Variants in ASPH observed in about 807,000 individuals in gnomAD.
ASPH encodes the protein aspartate beta-hydroxylase.
ASPH carries 100 observed loss-of-function variants against 118.4 expected under a neutral mutation model. That is an observed-to-expected ratio of 0.84 (90% CI 0.72 to 1.00). The LOEUF (loss-of-function observed/expected upper bound fraction) is 1.00. Ranked by LOEUF, ASPH falls within the 50% of genes least tolerant of loss-of-function variation. ASPH has a pLI of 0.00. For missense variants in ASPH, 920 were observed against 919.5 expected (o/e 1.00, Z -0.01); for synonymous variants, 315 against 325.6 (o/e 0.97, Z 0.35).
At chr8:61,701,062 A>AT (rs1274382400) in intron 1 of ASPH, among the ~76,000 whole-genome samples, 1 of 152,136 alleles carries the variant, frequency 6.6e-6, no homozygotes, top group Non-Finnish European at 1.5e-5. Flanking sequence ...CCTCATGGCC[A>AT]TTTCCATTGC....
intron 3 of ASPH, chr8:61,664,475 T>C: frequency 2.0e-6 from 2 of 984,754 alleles, no homozygotes; most frequent in Non-Finnish European, 2.4e-6. Context: ...TATTCATGGC[T>C]ATGGCCACAG....
chr8:61,530,098 A>G (rs972364455), intron 21 of ASPH, among the ~76,000 whole-genome samples: 5 of 152,242 alleles, frequency 3.3e-5, no homozygotes, highest in Admixed American at 2.0e-4. Context: ...TCAATGGCAA[A>G]TAATCCAGTT....
chr8:61,548,521 T>A (rs994064211), intron 20 of ASPH, among the ~76,000 whole-genome samples: 1 of 152,242 alleles, frequency 6.6e-6, no homozygotes, highest in Non-Finnish European at 1.5e-5. Flanking sequence ...GAGCACTTAT[T>A]TTTTGAATGA....
chr8:61,653,147 T>G (rs1811935423), intron 4 of ASPH, among the ~76,000 whole-genome samples: 1 of 152,186 alleles, frequency 6.6e-6, no homozygotes, highest in African/African-American at 2.4e-5. Context: ...GGGAAGTCTT[T>G]TAAAATAAAC....
intron 5 of ASPH, 29 bp downstream of exon 5, chr8:61,651,021 C>G: frequency 6.3e-7 from 1 of 1,584,058 alleles, no homozygotes; most frequent in Non-Finnish European, 8.6e-7. Context: ...TTTAGTAACT[C>G]AAAACAAAGA....
intron 21 of ASPH, among the ~76,000 whole-genome samples, chr8:61,539,540 C>G (rs371286329): frequency 6.6e-6 from 1 of 152,102 alleles, no homozygotes; most frequent in East Asian, 1.9e-4. Context: ...TTACTTCTCC[C>G]CACTCCTGAG....
intron 10 of ASPH, 99 bp downstream of exon 10, chr8:61,642,789 G>A (rs962457152): frequency 3.7e-6 from 4 of 1,087,990 alleles, no homozygotes; most frequent in Non-Finnish European, 5.1e-6. Context: ...AGGTTGTAGT[G>A]GGCCAAGATT....
intron 16 of ASPH, among the ~76,000 whole-genome samples, chr8:61,568,604 G>A (rs1476046988): frequency 6.6e-6 from 1 of 152,144 alleles, no homozygotes; most frequent in Non-Finnish European, 1.5e-5. Flanking sequence ...CAGGAGGGAG[G>A]TCAGAGTAAG....
intron 21 of ASPH, among the ~76,000 whole-genome samples, chr8:61,529,081 GGAT>G (rs1237700225): frequency 6.6e-6 from 1 of 152,090 alleles, no homozygotes; most frequent in African/African-American, 2.4e-5. Context: ...TTCAGTTTAG[GGAT>G]GATGAAATGA....
intron 13 of ASPH, chr8:61,626,118 CA>C (rs1852687936): frequency 8.0e-7 from 1 of 1,250,798 alleles, no homozygotes; most frequent in African/African-American, 1.6e-5. Context: ...ACTAAAATGC[CA>C]GTGGACTATA....
intron 13 of ASPH, among the ~76,000 whole-genome samples, chr8:61,621,909 AC>A (rs1389384242): frequency 1.3e-5 from 2 of 152,140 alleles, no homozygotes; most frequent in Non-Finnish European, 2.9e-5. Context: ...ATGTTACACT[AC>A]TCTTTACCTG....
At chr8:61,517,197 A>G (rs576547456) in intron 24 of ASPH, 1 of 217,154 alleles carries the variant, frequency 4.6e-6, no homozygotes, top group Admixed American at 5.2e-5. Flanking sequence ...AGCAGGAAGC[A>G]CAATGCATAA....
At position 61,652,537 on chromosome 8, in the gene ASPH, T is replaced by A. The variant is rs1247461478; in HGVS notation, c.415+1031A>T. On this transcript the variant is annotated intron_variant, in intron 4 of 24. Transcript: ENST00000379454. ...CTGGAGTGTAATGGGTTAAAAAAAA[T>A]GAATGAAAAATAAGGTAAAAAAGTA... Among the ~76,000 whole-genome samples the A allele has an allele frequency of 2.6e-5, 4 of 152,034 alleles. No homozygotes were observed. In the South Asian group the frequency reaches 8.3e-4, roughly 32 times the overall value.
At position 61,665,532 on chromosome 8, in the gene ASPH, C is replaced by G; in HGVS notation, c.323-11872G>C. 1.9e-6 allele frequency: 3 copies of G among 1,577,260 alleles called. No individual in the cohort carries two copies. The Middle Eastern group carries it at 5.0e-4, about 262-fold the overall frequency. On this transcript the variant is annotated intron_variant, in intron 3 of 24. Transcript: ENST00000379454. ...TCCTCTTTCTTCCCCTTTTTTCTCTCTTCATTCTTACTTTCCTTCCTTGAC... is the reference window on the plus strand; with the variant it reads ...TCCTCTTTCTTCCCCTTTTTTCTCTGTTCATTCTTACTTTCCTTCCTTGAC...
intron 3 of ASPH, chr8:61,676,095 A>G (rs771171821): frequency 5.0e-6 from 8 of 1,599,370 alleles, no homozygotes; most frequent in Admixed American, 1.7e-5. Flanking sequence ...TGTAAATCCA[A>G]TATGACACAA....
intron 16 of ASPH, among the ~76,000 whole-genome samples, chr8:61,573,862 A>C (rs922140790): frequency 2.0e-5 from 3 of 152,224 alleles, no homozygotes; most frequent in Non-Finnish European, 4.4e-5. Context: ...ATCGAATTAA[A>C]CTAAAGAGCT....
chr8:61,657,870 G>A (rs1203271445), intron 3 of ASPH: 1 of 152,126 alleles, frequency 6.6e-6, no homozygotes, highest in African/African-American at 2.4e-5. Context: ...AAGCTAAAAA[G>A]TTTTTTAAAA....
intron 1 of ASPH, among the ~76,000 whole-genome samples, chr8:61,699,119 C>T (rs1834635202): frequency 6.6e-6 from 1 of 152,234 alleles, no homozygotes; most frequent in African/African-American, 2.4e-5. Context: ...AAAATTATAG[C>T]TGGTGCCTGA....
intron 3 of ASPH, chr8:61,676,137 T>C (rs374033675): frequency 1.1e-5 from 18 of 1,599,382 alleles, no homozygotes; most frequent in Non-Finnish European, 1.5e-5. Flanking sequence ...TTCTGTGACG[T>C]ACCATCAACA....
Sources: allele counts gnomAD v4.1 joint callset (sites outside exome capture counted in the v4.1 genomes callset), GRCh38; gene constraint gnomAD v4.1.1; transcripts MANE v1.5; gene names NCBI Gene and HGNC (gene_info 2026-07-23, HGNC 2026-07-21).